The following CP variants were observed in gnomAD, a reference collection of about 807,000 sequenced individuals.
The protein encoded by CP is ceruloplasmin.
Under a neutral mutation model 122.4 loss-of-function variants are expected in CP, and 64 were observed. The observed-to-expected ratio is 0.52, with a 90% CI of 0.43 to 0.64. The LOEUF is 0.64. Among genes scored for constraint, CP ranks in the 30% least tolerant of loss-of-function variants. The pLI is 0.00. For missense variants in CP, 1,167 were observed against 1,284.4 expected, an observed-to-expected ratio of 0.91 and a Z score of 1.40; for synonymous variants, 440 against 436.4, an observed-to-expected ratio of 1.01 and a Z score of -0.10.
At chr3:149,165,959 T>G in exon 5 of CP, 1 of 454,592 alleles carries the variant, frequency 2.2e-6, no homozygotes, top group Admixed American at 2.4e-5. Flanking sequence ...ATTCTCCTGG[T>G]CATTCCTTGG....
chr3:149,181,352 T>A (rs1237096687), intron 14 of CP, among the ~76,000 whole-genome samples: 1 of 152,178 alleles, frequency 6.6e-6, no homozygotes, highest in Non-Finnish European at 1.5e-5. Flanking sequence ...TCTCAAACTT[T>A]AGGTGTTTTC....
chr3:149,181,788 C>G (rs1725794729), intron 14 of CP, among the ~76,000 whole-genome samples: 2 of 152,134 alleles, frequency 1.3e-5, no homozygotes, highest in African/African-American at 4.8e-5. Flanking sequence ...ATGTCTACTA[C>G]CTTCAGGTTT....
At position 149,165,379 on chromosome 3, in the gene CP, A is replaced by G. The variant is rs569928312; in HGVS notation, c.*13+567T>C. On this transcript the variant is annotated intron_variant, in intron 5 of 5. Transcript: ENST00000479771. ...GATCTTTTAAAATTTGTTTTAAAATATTTTAAAAGGAAAATATTTGCTATT... is the reference window on the plus strand; with the variant it reads ...GATCTTTTAAAATTTGTTTTAAAATGTTTTAAAAGGAAAATATTTGCTATT... Among the ~76,000 whole-genome samples, 4 of 152,314 alleles carry G rather than the reference A, an allele frequency of 2.6e-5. No homozygotes were observed. The East Asian group carries it at 7.7e-4, about 29-fold the overall frequency.
At chr3:149,220,563 T>C (rs1728742101) in intron 1 of CP, among the ~76,000 whole-genome samples, 1 of 152,112 alleles carries the variant, frequency 6.6e-6, no homozygotes, top group African/African-American at 2.4e-5. Flanking sequence ...ACTTTCTTTA[T>C]TGTATATTAT....
At position 149,176,356 on chromosome 3, in the gene CP, G is replaced by C; in HGVS notation, c.3075C>G (p.Thr1025=). Residue 1025 remains threonine, a synonymous_variant, in exon 18 of 19, where the codon ACC becomes ACG. Coordinates refer to ENST00000264613, the MANE Select transcript of CP (RefSeq NM_000096.4). ...CAGGTGTTCTTGGAAACATTTCTAG[G>C]GTTTGGTATGTTCCAGGGAAAATGT... ...VFDIFPGTYQ[T]LEMFPRTPGI... 6.2e-7 allele frequency: 1 copy of C among 1,613,140 alleles called. No individual in the cohort carries two copies. The highest frequency in any genetic ancestry group is 8.5e-7 in the Non-Finnish European group (1 of 1,179,270).
In CP at chr3:149,191,074, A is replaced by G. The variant is rs752400175; in HGVS notation, c.1714-2872T>C. On this transcript the variant is annotated intron_variant, in intron 9 of 18. Coordinates refer to ENST00000264613, the MANE Select transcript of CP (RefSeq NM_000096.4). ...GGAGAAAGACTATATAATGATTTCA[A>G]GAAAATCTAAAAAGAAATTTTTGTA... is the stretch of plus-strand genomic sequence containing the variant. 4.1e-4 allele frequency among the ~76,000 whole-genome samples: 63 copies of G among 152,202 alleles called. 1 individual carries two copies. Among genetic ancestry groups the G allele is most frequent in the Non-Finnish European group, 1.5e-4 (10 of 68,030 alleles).
intron 5 of CP, among the ~76,000 whole-genome samples, chr3:149,164,746 G>A (rs996976373): frequency 1.9e-4 from 29 of 152,150 alleles, no homozygotes; most frequent in Admixed American, 8.5e-4. Flanking sequence ...GGGCTGACCC[G>A]CAGCCCCTCC....
At position 149,198,513 on chromosome 3, in the gene CP, T is replaced by C. The variant is rs1043574579; in HGVS notation, c.1567A>G (p.Lys523Glu). ...TCTGCATTAGTGGGTCCTACTTCTT[T>C]GGGGACAGTCCATTCATAGGTGAAT... The part of the protein sequence containing the change: ...ETFTYEWTVP[K>E]EVGPTNADPV... Residue 523 changes from lysine to glutamate, a missense_variant, in exon 9 of 19, where the codon AAA becomes GAA. Lys to Glu is a moderately conservative substitution (Grantham distance 56, BLOSUM62 1). Coordinates refer to ENST00000264613, the MANE Select transcript of CP (RefSeq NM_000096.4). 6.2e-7 allele frequency: 1 copy of C among 1,614,080 alleles called. No individual in the cohort carries two copies. Among genetic ancestry groups the C allele is most frequent in the Non-Finnish European group, 8.5e-7 (1 of 1,180,026 alleles).
chr3:149,179,314 A>G (rs188635643), intron 15 of CP, among the ~76,000 whole-genome samples: 2 of 152,328 alleles, frequency 1.3e-5, no homozygotes, highest in African/African-American at 4.8e-5. Context: ...TGTGACCCAC[A>G]AGACAAAAAT....
At chr3:149,177,742 C>T in intron 17 of CP, 98 bp downstream of exon 17, 1 of 1,315,590 alleles carries the variant, frequency 7.6e-7, no homozygotes, top group Non-Finnish European at 1.1e-6. Context: ...GTACTCTTTG[C>T]AGCTTTTTTT....
intron 9 of CP, among the ~76,000 whole-genome samples, chr3:149,197,375 A>G (rs13095262): frequency 0.098 from 14,988 of 152,200 alleles, 820 homozygotes; most frequent in Non-Finnish European, 0.12. Context: ...GAATTAGAAT[A>G]TTACTATTAT....
Position 149,181,986 on chromosome 3 carries a change from C to CGGGGGGGGGGGGGG in CP, c.2554+18_2554+19insCCCCCCCCCCCCCC. The CGGGGGGGGGGGGGG allele has an allele frequency of 1.7e-6, 1 of 586,880 alleles. No homozygotes were observed. Among genetic ancestry groups the CGGGGGGGGGGGGGG allele is most frequent in the Non-Finnish European group, 3.1e-6 (1 of 319,264 alleles). The allele number at this position is 586,880 out of a possible 1,614,324, so 36.4% of individuals were successfully genotyped here. On this transcript the variant is annotated intron_variant, in intron 14 of 18. Transcript: ENST00000264613. Reference sequence around the variant, plus strand: ...AGCCTGTTAAAATGCACCACCCCCACCCCCGCCCCCGTGAGTACCTGGTAA... The same window carrying CGGGGGGGGGGGGGG: ...AGCCTGTTAAAATGCACCACCCCCACGGGGGGGGGGGGGGCCCCGCCCCCGTGAGTACCTGGTAA...
At chr3:149,205,768 A>G (rs1217385949) in intron 6 of CP, among the ~76,000 whole-genome samples, 1 of 152,106 alleles carries the variant, frequency 6.6e-6, no homozygotes, top group Admixed American at 6.6e-5. Context: ...TATTGTTTAA[A>G]GGGTTCAGAG....
chr3:149,212,011 T>C (rs701751), intron 2 of CP, among the ~76,000 whole-genome samples: 98,725 of 151,976 alleles, frequency 0.65, 33,806 homozygotes, highest in Non-Finnish European at 0.76. Context: ...ATAAAATAGT[T>C]GGCCGGGTGC....
In CP at chr3:149,210,371, A is replaced by C; in HGVS notation, c.403T>G (p.Tyr135Asp). The C allele has an allele frequency of 6.2e-7, 1 of 1,614,034 alleles. No individual in the cohort carries two copies. The highest frequency in any genetic ancestry group is 2.2e-5 in the East Asian group (1 of 44,870). Reference protein sequence around the residue: ...TYYKEHEGAIYPDNTTDFQRA... With the variant: ...TYYKEHEGAIDPDNTTDFQRA... ...TGAAAATCTGTGGTGTTATCAGGGT[A>C]GATGGCCCCTAGGAAGCAACATGCA... The change falls in exon 3 of 19, where the codon TAC becomes GAC. Residue 135 changes from tyrosine (Y) to aspartate (D), a missense_variant. Physicochemically the swap from Tyr to Asp is radical, Grantham distance 160. Coordinates refer to ENST00000264613, the MANE Select transcript of CP (RefSeq NM_000096.4).
intron 11 of CP, chr3:149,185,969 T>C (rs1357912135): frequency 5.7e-6 from 1 of 176,454 alleles, no homozygotes; most frequent in African/African-American, 2.4e-5. Context: ...CAGTGGCATA[T>C]GATAAACCAA....
At chr3:149,181,975 C>CGGGGGGGGGGGGGGGG in intron 14 of CP, 30 bp downstream of exon 14, 14 of 1,088,420 alleles carry the variant, frequency 1.3e-5, no homozygotes, top group African/African-American at 3.3e-5. Context: ...TGTTAAAATG[C>CGGGGGGGGGGGGGGGG]ACCACCCCCA....
intron 1 of CP, among the ~76,000 whole-genome samples, chr3:149,215,406 G>A (rs891506827): frequency 1.3e-5 from 2 of 152,134 alleles, no homozygotes; most frequent in African/African-American, 4.8e-5. Flanking sequence ...GTTTTTTGGG[G>A]GGGTTAAAAT....
chr3:149,190,255 A>G (rs1340942508), intron 9 of CP, among the ~76,000 whole-genome samples: 1 of 152,224 alleles, frequency 6.6e-6, no homozygotes, highest in Non-Finnish European at 1.5e-5. Flanking sequence ...ATAACCACAT[A>G]TATAGGGGAG....
Sources: gnomAD v4.1 joint callset for allele counts (sites outside exome capture counted in the v4.1 genomes callset) on GRCh38, gnomAD v4.1.1 for gene constraint, MANE v1.5 for transcripts, NCBI Gene and HGNC (gene_info 2026-07-23, HGNC 2026-07-21) for gene names.